CCDC32: variants seen among roughly 807,000 people sequenced by gnomAD.
CCDC32 encodes the protein coiled-coil domain-containing protein 32.
Under a neutral mutation model 20.1 loss-of-function variants are expected in CCDC32, and 9 were observed. That is an observed-to-expected ratio of 0.45 (90% CI 0.27 to 0.78). The LOEUF (loss-of-function observed/expected upper bound fraction) is 0.78. CCDC32 is among the 30% of genes least tolerant of loss of function. The probability of loss-of-function intolerance (pLI) is 0.16; values close to 1 mark genes in which losing one functional copy is unlikely to be tolerated. For missense variants in CCDC32, 204 were observed against 215.5 expected, an observed-to-expected ratio of 0.95 and a Z score of 0.33; for synonymous variants, 63 against 79.0, an observed-to-expected ratio of 0.80 and a Z score of 1.07.
chr15:40,528,416 G>A (rs577734143), downstream of CCDC32, among the ~76,000 whole-genome samples: 3 of 152,298 alleles, frequency 2.0e-5, no homozygotes, highest in East Asian at 5.8e-4. Context: ...TGGAGCTTGC[G>A]TGGAGCCAGG....
At chr15:40,551,432 G>A (rs1889859142), downstream of CCDC32, among the ~76,000 whole-genome samples, 2 of 151,982 alleles carry the variant, frequency 1.3e-5, no homozygotes, top group African/African-American at 2.4e-5. Context: ...GGAGAGGAGT[G>A]AGGCCTGGCA....
downstream of CCDC32, among the ~76,000 whole-genome samples, chr15:40,530,285 A>G (rs1443790748): frequency 2.1e-5 from 2 of 95,800 alleles, no homozygotes; most frequent in East Asian, 6.0e-4. Context: ...GAGCGAAACT[A>G]CATCTCAAAA....
chr15:40,539,478 G>C, intron 3 of CCDC32: 1 of 810,094 alleles, frequency 1.2e-6, no homozygotes, highest in Admixed American at 2.3e-5. Context: ...AAGGTGCGAG[G>C]AAGTGAGGTG....
rs142688774 is a variant in CCDC32, at chr15:40,539,840, C to CCACACACACACACACACACACA, written c.402-507_402-486dup. ...CCTAATAAGAGTGATCAAACTGTTGCCACACACACACACACACACACACAC... is the reference window on the plus strand; with the variant it reads ...CCTAATAAGAGTGATCAAACTGTTGCCACACACACACACACACACACACACACACACACACACACACACACAC... On this transcript the variant is annotated intron_variant, in intron 3 of 3. Transcript: ENST00000558113. Among the ~76,000 whole-genome samples, 554 of 134,606 alleles carry CCACACACACACACACACACACA rather than the reference C, an allele frequency of 4.1e-3. 8 individuals are homozygous for CCACACACACACACACACACACA. The highest frequency in any genetic ancestry group is 0.011 in the Admixed American group (138 of 12,458). The allele number at this position is 134,606 out of a possible 152,430, so 88.3% of individuals were successfully genotyped here.
intron 1 of CCDC32, 31 bp from the exon 2 acceptor site, chr15:40,563,058 C>A: frequency 6.2e-7 from 1 of 1,602,534 alleles, no homozygotes; most frequent in South Asian, 1.1e-5. Context: ...TGAGTAAGAA[C>A]TGGCTTTAAG....
chr15:40,557,163 GAAC>G (rs746357286), intron 3 of CCDC32, 50 bp downstream of exon 3: 2 of 1,544,046 alleles, frequency 1.3e-6, no homozygotes, highest in African/African-American at 2.8e-5. Context: ...AAAACAAATA[GAAC>G]AACTACATAA....
At chr15:40,528,837 A>G (rs1894933151) in intron 3 of CCDC32, 1 of 689,688 alleles carries the variant, frequency 1.4e-6, no homozygotes, top group Non-Finnish European at 2.6e-6. Flanking sequence ...AAACCCCTCA[A>G]CAGTCCTCTT....
chr15:40,526,715 C>A (rs1236300906), downstream of CCDC32, among the ~76,000 whole-genome samples: 2 of 152,090 alleles, frequency 1.3e-5, no homozygotes, highest in Non-Finnish European at 2.9e-5. Flanking sequence ...GAGTTCAAGA[C>A]CAGCCTGGCT....
At chr15:40,550,170 G>T (rs1889791944), downstream of CCDC32, among the ~76,000 whole-genome samples, 1 of 152,138 alleles carries the variant, frequency 6.6e-6, no homozygotes, top group South Asian at 2.1e-4. Flanking sequence ...GCCTTCTCTG[G>T]GTGTACCAAG....
rs143411864 is a variant in CCDC32 at position 40,547,950 on chromosome 15, T to C, written c.402-8595A>G. Among the ~76,000 whole-genome samples, 7 of 152,366 alleles carry C rather than the reference T, an allele frequency of 4.6e-5. No homozygotes were observed. The East Asian group carries it at 9.6e-4, about 21-fold the overall frequency. ...CCTATTCAGCTATTCTAAACTGATATGCTAGGCCACATGTGGACTTTACAA... is the reference window on the plus strand; with the variant it reads ...CCTATTCAGCTATTCTAAACTGATACGCTAGGCCACATGTGGACTTTACAA... On this transcript the variant is annotated intron_variant, in intron 3 of 3. Coordinates refer to the CCDC32 transcript ENST00000558113.
In CCDC32 at chr15:40,557,242, A is replaced by C; in HGVS notation, c.375T>G (p.Phe125Leu). 6.2e-7 allele frequency: 1 copy of C among 1,613,748 alleles called. No homozygotes were observed. Residue 125 changes from phenylalanine (F) to leucine (L), a missense_variant, in exon 3 of 4, where the codon TTT becomes TTG. Transcript: ENST00000416810. ...TCTCATCAGAATCAAGTCCATCCACAAAGAACTCTGAAGCTAACTTCTCCT... is the reference window on the plus strand; with the variant it reads ...TCTCATCAGAATCAAGTCCATCCACCAAGAACTCTGAAGCTAACTTCTCCT... ...FLQEKLASEFFVDGLDSDEST... is the reference protein window; with the variant it reads ...FLQEKLASEFLVDGLDSDEST...
At chr15:40,539,840 C>CCCCACACACACACA (rs1338607302) in intron 3 of CCDC32, among the ~76,000 whole-genome samples, 4 of 134,630 alleles carry the variant, frequency 3.0e-5, no homozygotes, top group East Asian at 4.9e-4. Context: ...CAAACTGTTG[C>CCCCACACACACACA]CACACACACA....
downstream of CCDC32, chr15:40,534,824 A>G: frequency 1.4e-6 from 1 of 696,474 alleles, no homozygotes; most frequent in Non-Finnish European, 2.6e-6. Flanking sequence ...CATCAGGATT[A>G]GTGTTTCAAC....
intron 2 of CCDC32, among the ~76,000 whole-genome samples, chr15:40,561,163 G>A (rs1201725127): frequency 6.6e-6 from 1 of 152,066 alleles, no homozygotes; most frequent in Non-Finnish European, 1.5e-5. Flanking sequence ...CTAAGCTATG[G>A]GTACACAAAG....
At chr15:40,542,331 G>C (rs1889429121) in intron 3 of CCDC32, among the ~76,000 whole-genome samples, 1 of 152,172 alleles carries the variant, frequency 6.6e-6, no homozygotes, top group African/African-American at 2.4e-5. Flanking sequence ...ATATTTTAAA[G>C]CCAACCGGGT....
chr15:40,526,519 C>T (rs1894902384), downstream of CCDC32, among the ~76,000 whole-genome samples: 1 of 152,164 alleles, frequency 6.6e-6, no homozygotes, highest in African/African-American at 2.4e-5. Context: ...ATATACTTTT[C>T]CATTACAAGT....
At chr15:40,548,457 A>C (rs1243259176), downstream of CCDC32, among the ~76,000 whole-genome samples, 1 of 152,194 alleles carries the variant, frequency 6.6e-6, no homozygotes, top group Non-Finnish European at 1.5e-5. Flanking sequence ...CTTATGGTGC[A>C]TTGGTTATCT....
At chr15:40,528,736 G>A (rs535138363) in exon 4 of CCDC32, 345 of 701,012 alleles carry the variant, frequency 4.9e-4, no homozygotes, top group Non-Finnish European at 7.0e-4. Context: ...AACTTCTTCC[G>A]TCCTCCTAGC....
chr15:40,550,803 G>C (rs1234724692), downstream of CCDC32, among the ~76,000 whole-genome samples: 2 of 152,176 alleles, frequency 1.3e-5, no homozygotes, highest in African/African-American at 4.8e-5. Context: ...TACAAACTCT[G>C]TTTCAGTTCC....
Sources: allele counts gnomAD v4.1 joint callset (sites outside exome capture counted in the v4.1 genomes callset), GRCh38; gene constraint gnomAD v4.1.1; transcripts MANE v1.5; gene names NCBI Gene and HGNC (gene_info 2026-07-23, HGNC 2026-07-21).